The following HS3ST4 variants were observed in gnomAD, a reference collection of about 807,000 sequenced individuals.
HS3ST4 encodes the protein heparan sulfate-glucosamine 3-sulfotransferase 4, also known as heparan sulfate glucosamine 3-O-sulfotransferase 4.
A neutral mutation model predicts 29.2 loss-of-function variants in HS3ST4; 17 were observed. That is an observed-to-expected ratio of 0.58 (90% CI 0.40 to 0.87). HS3ST4 has a LOEUF of 0.87. HS3ST4 is among the 40% of genes least tolerant of loss of function. The pLI is 0.00. For missense variants in HS3ST4, 627 were observed against 634.5 expected, an observed-to-expected ratio of 0.99 and a Z score of 0.13; for synonymous variants, 314 against 285.7, an observed-to-expected ratio of 1.10 and a Z score of -1.00.
intron 1 of HS3ST4, among the ~76,000 whole-genome samples, chr16:26,039,360 A>G (rs1969612901): frequency 6.6e-6 from 1 of 152,168 alleles, no homozygotes; most frequent in Non-Finnish European, 1.5e-5. Context: ...GAGTGTGTGT[A>G]TGTGTGCTTT....
At chr16:26,043,809 A>G (rs1166029402) in intron 1 of HS3ST4, among the ~76,000 whole-genome samples, 1 of 152,158 alleles carries the variant, frequency 6.6e-6, no homozygotes, top group Non-Finnish European at 1.5e-5. Context: ...CCCGCCTTCC[A>G]TGATTAATTG....
Position 25,867,185 on chromosome 16 carries a change from G to GTCCACCC in HS3ST4, c.734+174035_734+174041dup, listed in dbSNP as rs143927584. 3.6e-3 allele frequency among the ~76,000 whole-genome samples: 548 copies of GTCCACCC among 152,224 alleles called. 2 individuals are homozygous for GTCCACCC. Among genetic ancestry groups the GTCCACCC allele is most frequent in the African/African-American group, 0.012 (505 of 41,542 alleles). On this transcript the variant is annotated intron_variant, in intron 1 of 1. Coordinates refer to ENST00000331351, the MANE Select transcript of HS3ST4 (RefSeq NM_006040.3). ...AGACCTGTCAGAGCCTAAACCTTAT[G>GTCCACCC]TCCACCCCAGATCCAGGGCTGGTTT...
At chr16:25,929,859 C>T (rs540488502) in intron 1 of HS3ST4, among the ~76,000 whole-genome samples, 1 of 152,202 alleles carries the variant, frequency 6.6e-6, no homozygotes, top group African/African-American at 2.4e-5. Context: ...TATAGGTAAA[C>T]TTGCGTCATG....
intron 1 of HS3ST4, among the ~76,000 whole-genome samples, chr16:25,754,397 C>T (rs1446337852): frequency 1.3e-5 from 2 of 151,854 alleles, no homozygotes; most frequent in Non-Finnish European, 2.9e-5. Flanking sequence ...TTCATCCACC[C>T]ACCCACGTGT....
chr16:25,868,605 C>G (rs1331688098), intron 1 of HS3ST4, among the ~76,000 whole-genome samples: 12 of 152,176 alleles, frequency 7.9e-5, no homozygotes, highest in Non-Finnish European at 1.5e-5. Context: ...TGCAAAGGTT[C>G]ACCATGCAAG....
chr16:25,932,011 C>G (rs1968468744), intron 1 of HS3ST4, among the ~76,000 whole-genome samples: 1 of 152,138 alleles, frequency 6.6e-6, no homozygotes, highest in Non-Finnish European at 1.5e-5. Context: ...AGGAGCAAAA[C>G]TCTATATTGA....
At chr16:25,936,526 AAAAT>A (rs1968518360) in intron 1 of HS3ST4, among the ~76,000 whole-genome samples, 1 of 152,254 alleles carries the variant, frequency 6.6e-6, no homozygotes, top group Non-Finnish European at 1.5e-5. Context: ...TAAAAAGAGA[AAAAT>A]AAGATCTAAG....
At chr16:26,129,981 C>A (rs543968057) in intron 1 of HS3ST4, among the ~76,000 whole-genome samples, 51 of 152,182 alleles carry the variant, frequency 3.4e-4, no homozygotes, top group Non-Finnish European at 7.1e-4. Context: ...TTGCAGTGAG[C>A]CATCATCGCA....
intron 1 of HS3ST4, among the ~76,000 whole-genome samples, chr16:25,962,151 G>T (rs1283759056): frequency 6.6e-6 from 1 of 152,140 alleles, no homozygotes; most frequent in Admixed American, 6.6e-5. Flanking sequence ...GGCAGCTCTT[G>T]TATACACCCA....
intron 1 of HS3ST4, among the ~76,000 whole-genome samples, chr16:26,019,415 T>A (rs1373131962): frequency 1.3e-5 from 2 of 152,224 alleles, no homozygotes; most frequent in African/African-American, 4.8e-5. Context: ...CTTTTTTACA[T>A]CCGTAATTGA....
chr16:25,978,765 C>A lies in HS3ST4; in HGVS notation c.735-156847C>A, dbSNP rs562523206. ...CTTGCATGGCTGACTTCCTATCGAT[C>A]AGAAACAGAAAATGCAGAGAAAGGC... On this transcript the variant is annotated intron_variant, in intron 1 of 1. Transcript: ENST00000331351. Among the ~76,000 whole-genome samples the A allele has an allele frequency of 3.3e-5, 5 of 152,202 alleles. No homozygotes were observed. The South Asian group carries it at 1.0e-3, about 32-fold the overall frequency.
chr16:25,831,188 G>C (rs1291475663), intron 1 of HS3ST4, among the ~76,000 whole-genome samples: 1 of 151,892 alleles, frequency 6.6e-6, no homozygotes, highest in African/African-American at 2.4e-5. Flanking sequence ...CCCCATCAAG[G>C]GTGCTCTCTC....
chr16:26,010,526 A>T (rs4787796), intron 1 of HS3ST4, among the ~76,000 whole-genome samples: 1 of 152,108 alleles, frequency 6.6e-6, no homozygotes. Context: ...GTTTGTTAAG[A>T]TAGAGATTTT....
At chr16:25,720,367 G>C (rs1015486193) in intron 1 of HS3ST4, among the ~76,000 whole-genome samples, 1 of 152,156 alleles carries the variant, frequency 6.6e-6, no homozygotes, top group Non-Finnish European at 1.5e-5. Context: ...GGGAGCCCTG[G>C]TGGGATTGAA....
chr16:25,885,217 G>A (rs1057153915), intron 1 of HS3ST4, among the ~76,000 whole-genome samples: 1 of 152,192 alleles, frequency 6.6e-6, no homozygotes. Context: ...AGGCAGAAAA[G>A]CCTTTGTCCT....
intron 1 of HS3ST4, among the ~76,000 whole-genome samples, chr16:26,006,572 T>C (rs1459524668): frequency 1.3e-5 from 2 of 152,032 alleles, no homozygotes; most frequent in Admixed American, 1.3e-4. Flanking sequence ...ATTTCAAGGA[T>C]AGTTTGGCAG....
chr16:26,048,511 C>G (rs548118412), intron 1 of HS3ST4, among the ~76,000 whole-genome samples: 1 of 152,278 alleles, frequency 6.6e-6, no homozygotes, highest in Non-Finnish European at 1.5e-5. Context: ...TACTAGGACA[C>G]AGCATTCAAC....
At chr16:25,780,090 T>A (rs1966851286) in intron 1 of HS3ST4, among the ~76,000 whole-genome samples, 1 of 152,202 alleles carries the variant, frequency 6.6e-6, no homozygotes, top group Admixed American at 6.5e-5. Flanking sequence ...CTCCACTTGA[T>A]TCACTTCCCT....
chr16:25,803,204 T>C (rs1278890762), intron 1 of HS3ST4, among the ~76,000 whole-genome samples: 1 of 152,130 alleles, frequency 6.6e-6, no homozygotes, highest in East Asian at 1.9e-4. Flanking sequence ...TGTTGTGTGA[T>C]CCACAAATAA....
Sources: allele counts gnomAD v4.1 joint callset (sites outside exome capture counted in the v4.1 genomes callset), GRCh38; gene constraint gnomAD v4.1.1; transcripts MANE v1.5; gene names NCBI Gene and HGNC (gene_info 2026-07-23, HGNC 2026-07-21).